The following PRH1 variants were observed in gnomAD, a reference collection of about 807,000 sequenced individuals.
The protein encoded by PRH1 is salivary acidic proline-rich phosphoprotein 1/2.
PRH1 carries 7 observed loss-of-function variants against 7.9 expected under a neutral mutation model. The ratio of observed to expected loss-of-function variants is 0.89; its 90% CI spans 0.50 to 1.67. PRH1 has a LOEUF of 1.67. PRH1 is among the 40% of genes most tolerant of loss of function. The pLI, the probability that PRH1 is intolerant of heterozygous loss-of-function variation, is 0.00. For synonymous variants in PRH1, 45 were observed against 80.8 expected (o/e 0.56, Z 2.38); for missense variants, 109 against 223.6 (o/e 0.49, Z 3.27).
intron 1 of PRH1, among the ~76,000 whole-genome samples, chr12:11,169,291 T>C (rs1309211474): frequency 1.3e-5 from 2 of 152,128 alleles, no homozygotes; most frequent in African/African-American, 4.8e-5. Flanking sequence ...AATCTAAACA[T>C]CAAGGGGCAG....
chr12:10,982,441 C>T (rs1939403208), intron 1 of PRH1, among the ~76,000 whole-genome samples: 3 of 152,178 alleles, frequency 2.0e-5, no homozygotes, highest in African/African-American at 4.8e-5. Context: ...GGTATCTTCA[C>T]TGAGCAGAAT....
intron 1 of PRH1, among the ~76,000 whole-genome samples, chr12:11,031,613 C>A (rs921510716): frequency 1.1e-4 from 16 of 151,996 alleles, no homozygotes; most frequent in African/African-American, 3.6e-4. Context: ...TTTGTCCCCT[C>A]CCATTTTCCT....
rs370308524 is a variant in PRH1 at position 10,908,577 on chromosome 12, T to C, written c.-58-24302A>G. ...GAGAACACATAGAAAGAAACTAGCA[T>C]AGAATAAAAGGAATGAGATCACAAT... On this transcript the variant is annotated intron_variant, in intron 2 of 3. Transcript: ENST00000539853. 1.3e-5 allele frequency: 21 copies of C among 1,613,826 alleles called. No individual in the cohort carries two copies. The highest frequency in any genetic ancestry group is 3.3e-5 in the South Asian group (3 of 91,066).
intron 1 of PRH1, 122 bp downstream of exon 1, chr12:10,884,032 A>AC (rs1949451303): frequency 8.6e-7 from 1 of 1,159,870 alleles, no homozygotes; most frequent in Non-Finnish European, 1.2e-6. Context: ...GATCCTCAGC[A>AC]TGAGAACTCT....
At chr12:10,932,991 T>G (rs183738088) in intron 2 of PRH1, among the ~76,000 whole-genome samples, 44 of 152,080 alleles carry the variant, frequency 2.9e-4, no homozygotes, top group Admixed American at 1.7e-3. Context: ...TAATGAAAAT[T>G]TAAAAGATTA....
At chr12:11,138,325 A>G (rs1946612257) in intron 1 of PRH1, among the ~76,000 whole-genome samples, 1 of 152,196 alleles carries the variant, frequency 6.6e-6, no homozygotes, top group African/African-American at 2.4e-5. Context: ...AGCATTATAT[A>G]TGCACAAACA....
rs377225578 is a variant in PRH1, at chr12:11,132,483, A to G, written n.40-11303T>C. ...ACTAAAATAATTTACATCTGAGCTC[A>G]ATTTCAAAAAAAGTTTTTCTTTAAT... On this transcript the variant is annotated intron_variant and non_coding_transcript_variant, in intron 1 of 1. Coordinates refer to the PRH1 transcript ENST00000541175. 2.6e-5 allele frequency among the ~76,000 whole-genome samples: 4 copies of G among 152,248 alleles called. No individual in the cohort carries two copies. In the East Asian group the frequency reaches 7.7e-4, roughly 29 times the overall value.
chr12:11,037,214 T>C (rs1942468078), intron 1 of PRH1, among the ~76,000 whole-genome samples: 1 of 152,240 alleles, frequency 6.6e-6, no homozygotes, highest in Non-Finnish European at 1.5e-5. Context: ...TTAGTTTATC[T>C]TTTAATAGCA....
At chr12:11,137,712 C>T (rs1377882317) in intron 1 of PRH1, among the ~76,000 whole-genome samples, 2 of 152,076 alleles carry the variant, frequency 1.3e-5, no homozygotes, top group Non-Finnish European at 2.9e-5. Flanking sequence ...GTGTATTGAG[C>T]TTGACTTAAA....
intron 1 of PRH1, among the ~76,000 whole-genome samples, chr12:11,138,150 T>A (rs1187557117): frequency 6.6e-6 from 1 of 152,174 alleles, no homozygotes; most frequent in Non-Finnish European, 1.5e-5. Flanking sequence ...GGTTTTTTTG[T>A]GCAGTTTTCA....
intron 1 of PRH1, among the ~76,000 whole-genome samples, chr12:11,072,056 T>C (rs9803107): frequency 0.45 from 66,482 of 149,368 alleles, 15,338 homozygotes; most frequent in Non-Finnish European, 0.52. Context: ...TCGCATATTG[T>C]TTTCAGGTTC....
chr12:11,011,063 G>GA (rs552546732), intron 1 of PRH1, among the ~76,000 whole-genome samples: 82 of 151,878 alleles, frequency 5.4e-4, no homozygotes, highest in African/African-American at 1.9e-3. Flanking sequence ...GAACTCAAAG[G>GA]AAAAAAATGT....
chr12:10,985,833 AC>A, intron 1 of PRH1: 1 of 1,062,440 alleles, frequency 9.4e-7, no homozygotes, highest in Admixed American at 2.4e-5. Flanking sequence ...ATACTCAAAA[AC>A]ATACACTACA....
intron 1 of PRH1, among the ~76,000 whole-genome samples, chr12:11,057,847 A>G (rs1287770409): frequency 1.3e-5 from 2 of 152,270 alleles, no homozygotes; most frequent in Non-Finnish European, 2.9e-5. Context: ...TTTGCCTTGT[A>G]TTGTAAGAAT....
intron 2 of PRH1, chr12:10,929,402 G>A (rs773332722): frequency 1.3e-5 from 20 of 1,596,554 alleles, no homozygotes; most frequent in Non-Finnish European, 1.7e-5. Flanking sequence ...GCTATAGAGG[G>A]GGAAAGTGGA....
At chr12:11,065,588 T>C (rs945538161) in intron 1 of PRH1, among the ~76,000 whole-genome samples, 1 of 152,218 alleles carries the variant, frequency 6.6e-6, no homozygotes, top group Non-Finnish European at 1.5e-5. Context: ...TATTGGATTC[T>C]CAATATTCAT....
chr12:10,882,489 CTT>C lies in PRH1; in HGVS notation c.308_309del (p.Gln103ArgfsTer87). 3 of 1,451,596 alleles carry C rather than the reference CTT, an allele frequency of 2.1e-6. No homozygotes were observed. Among genetic ancestry groups the C allele is most frequent in the Non-Finnish European group, 2.7e-6 (3 of 1,093,470 alleles). The allele number at this position is 1,451,596 out of a possible 1,614,324, so 89.9% of individuals were successfully genotyped here. A position where few individuals can be genotyped will look rare whatever the true frequency, so the allele number is the denominator to read the frequency against. The part of the protein sequence containing the change: ...GPPQQGGQQQ[Q>X]GPPPPQGKPQ... ...GGCTTTCCCTGAGGAGGTGGTGGACCTTGTTGCTGCTGGCCTCCTTGTTGGGG... is the reference window on the plus strand; with the variant it reads ...GGCTTTCCCTGAGGAGGTGGTGGACCGTTGCTGCTGGCCTCCTTGTTGGGG... On this transcript the variant is annotated frameshift_variant, in exon 3 of 4. Transcript: ENST00000543626. LOFTEE classifies it low-confidence loss of function (END_TRUNC).
intron 3 of PRH1, among the ~76,000 whole-genome samples, chr12:10,881,619 A>G (rs1286247651): frequency 6.6e-6 from 1 of 152,212 alleles, no homozygotes; most frequent in Non-Finnish European, 1.5e-5. Context: ...GTAGCAATAT[A>G]TATTTCAAAA....
chr12:10,948,228 T>C (rs1950517520), intron 2 of PRH1, among the ~76,000 whole-genome samples: 1 of 152,210 alleles, frequency 6.6e-6, no homozygotes, highest in Non-Finnish European at 1.5e-5. Flanking sequence ...ACTTTCCAAG[T>C]TGTTTGCTTT....
Sources: allele counts gnomAD v4.1 joint callset (sites outside exome capture counted in the v4.1 genomes callset), GRCh38; gene constraint gnomAD v4.1.1; transcripts MANE v1.5; gene names NCBI Gene and HGNC (gene_info 2026-07-23, HGNC 2026-07-21).